HSD17B2: variants seen among roughly 807,000 people sequenced by gnomAD.
HSD17B2 encodes the protein 17-beta-hydroxysteroid dehydrogenase type 2.
In HSD17B2, 32 loss-of-function variants were observed where a neutral mutation model predicts 26.9. The observed-to-expected ratio is 1.19, with a 90% CI of 0.90 to 1.60. HSD17B2 has a LOEUF of 1.60. Ranked by LOEUF, HSD17B2 falls within the 40% of genes most tolerant of loss-of-function variation. The pLI, the probability that HSD17B2 is intolerant of heterozygous loss-of-function variation, is 0.00. For synonymous variants in HSD17B2, 246 were observed against 186.7 expected (o/e 1.32, Z -2.59); for missense variants, 613 against 468.6 (o/e 1.31, Z -2.85).
chr16:82,075,460 C>G, intron 3 of HSD17B2, among the ~76,000 whole-genome samples: 1 of 149,458 alleles, frequency 6.7e-6, no homozygotes, highest in Non-Finnish European at 1.5e-5. Flanking sequence ...TTTAATGAGA[C>G]TAAGAACAAG....
intron 1 of HSD17B2, among the ~76,000 whole-genome samples, chr16:82,042,142 T>G (rs1017176155): frequency 4.6e-5 from 7 of 152,102 alleles, no homozygotes; most frequent in African/African-American, 1.7e-4. Context: ...TAGCTGGGAT[T>G]ACAGGGGCCC....
chr16:82,078,368 C>T (rs1036057174), intron 3 of HSD17B2, among the ~76,000 whole-genome samples: 1 of 152,110 alleles, frequency 6.6e-6, no homozygotes, highest in Non-Finnish European at 1.5e-5. Flanking sequence ...TGGCTTTCAT[C>T]CAAAAGTCAG....
intron 3 of HSD17B2, among the ~76,000 whole-genome samples, chr16:82,079,813 C>A (rs1904333925): frequency 6.6e-6 from 1 of 152,212 alleles, no homozygotes; most frequent in African/African-American, 2.4e-5. Flanking sequence ...AACAAATCCA[C>A]AGAAATTAAC....
intron 1 of HSD17B2, among the ~76,000 whole-genome samples, chr16:82,058,976 T>G (rs1039276146): frequency 2.0e-5 from 3 of 152,070 alleles, no homozygotes; most frequent in African/African-American, 7.2e-5. Flanking sequence ...CGGTAAATAT[T>G]TACTACAGGC....
At chr16:82,069,234 G>A (rs1446346336) in intron 2 of HSD17B2, among the ~76,000 whole-genome samples, 4 of 152,190 alleles carry the variant, frequency 2.6e-5, no homozygotes, top group African/African-American at 9.7e-5. Flanking sequence ...TCCCTGCAAA[G>A]GATATGATCT....
At position 82,042,306 on chromosome 16, in the gene HSD17B2, C is replaced by T. The variant is rs115446650; in HGVS notation, c.265+6617C>T. Among the ~76,000 whole-genome samples the T allele has an allele frequency of 7.9e-3, 1,198 of 152,066 alleles. 15 individuals are homozygous for T. Among genetic ancestry groups the T allele is most frequent in the African/African-American group, 0.028 (1,148 of 41,510 alleles). ...AGGCATGAGTCACCACGCCCAGCCT[C>T]CCACAGTGCTAGGATGACAGGCGTG... On this transcript the variant is annotated intron_variant, in intron 1 of 4. Transcript: ENST00000199936.
At chr16:82,077,189 A>C in intron 3 of HSD17B2, among the ~76,000 whole-genome samples, 1 of 152,238 alleles carries the variant, frequency 6.6e-6, no homozygotes, top group East Asian at 1.9e-4. Flanking sequence ...ATGGAACCAC[A>C]AAAGACTCAG....
intron 1 of HSD17B2, among the ~76,000 whole-genome samples, chr16:82,049,497 G>A (rs1914040428): frequency 6.6e-6 from 1 of 152,226 alleles, no homozygotes; most frequent in African/African-American, 2.4e-5. Flanking sequence ...GCACCTTGAA[G>A]AATAGGCCAG....
intron 1 of HSD17B2, among the ~76,000 whole-genome samples, chr16:82,050,784 T>C (rs1466481027): frequency 1.3e-5 from 2 of 152,212 alleles, no homozygotes; most frequent in African/African-American, 4.8e-5. Context: ...ACATGACAAT[T>C]AACTGCTTGT....
At chr16:82,064,293 A>T (rs917137061) in intron 1 of HSD17B2, among the ~76,000 whole-genome samples, 7 of 152,128 alleles carry the variant, frequency 4.6e-5, no homozygotes, top group Non-Finnish European at 8.8e-5. Context: ...GGCTTCTTTC[A>T]CTCAGTGTAA....
Position 82,098,260 on chromosome 16 carries a change from T to C in HSD17B2, c.988T>C (p.Leu330=). The change falls in exon 5 of 5, where the codon TTG becomes CTG. Residue 330 remains leucine (L), a synonymous_variant. Coordinates refer to ENST00000199936, the MANE Select transcript of HSD17B2 (RefSeq NM_002153.3). ...GCTGCGGGACATCCAGCATGCTATC[T>C]TGGCGAAGAGCCCTTTTGCCTATTA... ...PVLRDIQHAI[L]AKSPFAYYTP... 1 of 1,614,242 alleles carries C rather than the reference T, an allele frequency of 6.2e-7. No homozygotes were observed. Among genetic ancestry groups the C allele is most frequent in the Non-Finnish European group, 8.5e-7 (1 of 1,180,038 alleles).
chr16:82,045,652 CT>C (rs1347018943), intron 1 of HSD17B2, among the ~76,000 whole-genome samples: 16 of 152,344 alleles, frequency 1.1e-4, no homozygotes, highest in Admixed American at 1.0e-3. Context: ...TGCCCTGCTC[CT>C]TTGTTCTTTT....
At chr16:82,035,843 T>A (rs1467715627) in intron 1 of HSD17B2, among the ~76,000 whole-genome samples, 154 bp downstream of exon 1, 1 of 145,972 alleles carries the variant, frequency 6.9e-6, no homozygotes, top group African/African-American at 2.8e-5. Flanking sequence ...CTGTTTTCGT[T>A]CCGTTTTTTC....
chr16:82,054,090 C>T (rs765288031), intron 1 of HSD17B2, among the ~76,000 whole-genome samples: 1 of 151,926 alleles, frequency 6.6e-6, no homozygotes, highest in Non-Finnish European at 1.5e-5. Flanking sequence ...TTCTCCAAGT[C>T]ACCTCTGGCT....
At chr16:82,064,833 G>A (rs1280079732) in intron 1 of HSD17B2, among the ~76,000 whole-genome samples, 2 of 152,182 alleles carry the variant, frequency 1.3e-5, no homozygotes, top group Non-Finnish European at 2.9e-5. Context: ...TTTGCCTCTT[G>A]TTACTCTTCA....
chr16:82,069,979 T>C lies in HSD17B2; in HGVS notation c.479-963T>C, dbSNP rs540210754. ...TATAAAGCTCCCAATGTGATGCTAA[T>C]GTTAGCGCAGGGCCAAGAAACACTG... On this transcript the variant is annotated intron_variant, in intron 2 of 4. Transcript: ENST00000199936. 8.6e-4 allele frequency among the ~76,000 whole-genome samples: 131 copies of C among 152,290 alleles called. 1 individual carries two copies. Among genetic ancestry groups the C allele is most frequent in the South Asian group, 7.3e-3 (35 of 4,826 alleles).
intron 3 of HSD17B2, 124 bp downstream of exon 3, chr16:82,071,251 T>C (rs772574417): frequency 2.1e-5 from 18 of 859,662 alleles, no homozygotes; most frequent in Admixed American, 5.3e-5. Flanking sequence ...ATTAGTCAAA[T>C]TGTATATACC....
At chr16:82,088,804 T>TA (rs1442482744) in intron 3 of HSD17B2, among the ~76,000 whole-genome samples, 11 of 152,228 alleles carry the variant, frequency 7.2e-5, no homozygotes, top group African/African-American at 2.2e-4. Flanking sequence ...GACATCGTGT[T>TA]AAAATTATAT....
chr16:82,044,331 G>A (rs993744810), intron 1 of HSD17B2: 26 of 152,182 alleles, frequency 1.7e-4, no homozygotes, highest in African/African-American at 6.3e-4. Context: ...AATGAGACAG[G>A]GGGCTTAAGA....
Sources: gnomAD v4.1 joint callset for allele counts (sites outside exome capture counted in the v4.1 genomes callset) on GRCh38, gnomAD v4.1.1 for gene constraint, MANE v1.5 for transcripts, NCBI Gene and HGNC (gene_info 2026-07-23, HGNC 2026-07-21) for gene names.